Variants in POTEB observed in about 807,000 individuals in gnomAD.
POTEB encodes ANKRD26-like family B, member 1.
intron 3 of POTEB, among the ~76,000 whole-genome samples, chr15:21,871,774 G>A (rs1890113820): frequency 3.0e-5 from 1 of 33,582 alleles, no homozygotes; most frequent in Non-Finnish European, 8.2e-5. Context: ...CAAATTCAGT[G>A]TTTTTTTTTT....
chr15:21,871,397 ACAC>A (rs1442278297), intron 3 of POTEB, among the ~76,000 whole-genome samples: 1 of 20,422 alleles, frequency 4.9e-5, no homozygotes, highest in African/African-American at 1.0e-4. Context: ...ACACACACAC[ACAC>A]ACACAAACAA....
chr15:21,855,100 T>A (rs1889853628), intron 9 of POTEB, among the ~76,000 whole-genome samples: 1 of 148,098 alleles, frequency 6.8e-6, no homozygotes, highest in South Asian at 2.2e-4. Context: ...ATTTTACAAA[T>A]GAAATTTTTA....
intron 3 of POTEB, among the ~76,000 whole-genome samples, chr15:21,871,400 C>CAAAA (rs1480983290): frequency 5.8e-5 from 1 of 17,214 alleles, no homozygotes; most frequent in African/African-American, 1.5e-4. Flanking sequence ...CACACACACA[C>CAAAA]ACACAAACAA....
chr15:21,855,168 T>C (rs1397404115), intron 9 of POTEB, among the ~76,000 whole-genome samples: 1 of 148,426 alleles, frequency 6.7e-6, no homozygotes, highest in African/African-American at 2.4e-5. Context: ...AATATATCTT[T>C]TTCTCAAAGG....
rs1555380355 is a variant in POTEB, at chr15:21,871,404, C to CAAAAACAA, written c.699+602_699+603insTTGTTTTT. 1.6e-4 allele frequency among the ~76,000 whole-genome samples: 3 copies of CAAAAACAA among 19,266 alleles called. 1 individual carries two copies. The highest frequency in any genetic ancestry group is 3.6e-4 in the Non-Finnish European group (3 of 8,282). 12.6% of individuals were successfully genotyped at this position (19,266 alleles called of 152,430 possible). ...ACACACACACACACACACACACACA[C>CAAAAACAA]AAACAAAAACAAAAACAAAAACAAA... On this transcript the variant is annotated intron_variant, in intron 3 of 10. Transcript: ENST00000439682.
At chr15:21,871,372 CA>C in intron 3 of POTEB, among the ~76,000 whole-genome samples, 1 of 18,010 alleles carries the variant, frequency 5.6e-5, no homozygotes, top group African/African-American at 1.2e-4. Context: ...ACAACACACA[CA>C]CACACACACA....
chr15:21,847,660 C>T (rs1889713403), intron 10 of POTEB, among the ~76,000 whole-genome samples: 1 of 1,636 alleles, frequency 6.1e-4, no homozygotes, highest in African/African-American at 1.7e-3. Flanking sequence ...GAACAAAATA[C>T]TTATCAATAA....
At chr15:21,866,643 AG>A (rs1319963306) in intron 5 of POTEB, among the ~76,000 whole-genome samples, 6 of 34 alleles carry the variant, frequency 0.18, no homozygotes, top group Admixed American at 0.25. Context: ...CTGGTAGCAA[AG>A]AAGAAGAAAC....
chr15:21,871,394 C>A (rs1304567641), intron 3 of POTEB, among the ~76,000 whole-genome samples: 3 of 20,290 alleles, frequency 1.5e-4, no homozygotes, highest in African/African-American at 3.1e-4. Context: ...CACACACACA[C>A]ACACACACAC....
At chr15:21,847,608 G>A (rs1889712449) in intron 10 of POTEB, among the ~76,000 whole-genome samples, 1 of 7,138 alleles carries the variant, frequency 1.4e-4, no homozygotes, top group Non-Finnish European at 3.3e-4. Flanking sequence ...CATTATAGTA[G>A]TAAGTGTGAA....
intron 9 of POTEB, among the ~76,000 whole-genome samples, chr15:21,854,432 G>A (rs1274076657): frequency 7.3e-5 from 11 of 150,096 alleles, no homozygotes; most frequent in South Asian, 2.1e-4. Flanking sequence ...TGAAGATGCC[G>A]TTAGGGAGGA....
Position 21,871,400 on chromosome 15 carries a change from C to A in POTEB, c.699+607G>T, listed in dbSNP as rs1378020368. On this transcript the variant is annotated intron_variant, in intron 3 of 10. Coordinates refer to ENST00000439682, the MANE Select transcript of POTEB (RefSeq NM_001277304.2). ...ACACACACACACACACACACACACA[C>A]ACACAAACAAAAACAAAAACAAAAA... Among the ~76,000 whole-genome samples, 56 of 17,216 alleles carry A rather than the reference C, an allele frequency of 3.3e-3. 12 individuals carry two copies. Among genetic ancestry groups the A allele is most frequent in the African/African-American group, 2.8e-3 (19 of 6,722 alleles). The allele number at this position is 17,216 out of a possible 152,430, so 11.3% of individuals were successfully genotyped here.
chr15:21,854,401 A>G (rs1357369912), intron 9 of POTEB, among the ~76,000 whole-genome samples: 1 of 149,372 alleles, frequency 6.7e-6, no homozygotes, highest in Non-Finnish European at 1.5e-5. Flanking sequence ...AGCCTGAGGG[A>G]GTGAGGTCCT....
chr15:21,854,995 G>C (rs1380687862), intron 9 of POTEB, among the ~76,000 whole-genome samples: 1 of 143,644 alleles, frequency 7.0e-6, no homozygotes, highest in Non-Finnish European at 1.5e-5. Context: ...TTCTAGGACA[G>C]TTGATGCTCA....
At chr15:21,870,283 C>G (rs1356727321) in intron 3 of POTEB, among the ~76,000 whole-genome samples, 1 of 87,510 alleles carries the variant, frequency 1.1e-5, no homozygotes, top group African/African-American at 3.8e-5. Context: ...AACCTCATCT[C>G]TACTAAAAAA....
chr15:21,871,422 A>AAAACAG (rs1890103597), intron 3 of POTEB, among the ~76,000 whole-genome samples: 1 of 28,788 alleles, frequency 3.5e-5, no homozygotes, highest in African/African-American at 7.4e-5. Flanking sequence ...AACAAAAACA[A>AAAACAG]AAACAAAAAA....
In POTEB at chr15:21,871,364, A is replaced by AACACACAC. The variant is rs554170349; in HGVS notation, c.699+635_699+642dup. Among the ~76,000 whole-genome samples, 17 of 12,106 alleles carry AACACACAC rather than the reference A, an allele frequency of 1.4e-3. 3 individuals carry two copies. The highest frequency in any genetic ancestry group is 2.1e-3 in the African/African-American group (13 of 6,054). The allele number at this position is 12,106 out of a possible 152,430, so 7.9% of individuals were successfully genotyped here. On this transcript the variant is annotated intron_variant, in intron 3 of 10. Coordinates refer to ENST00000439682, the MANE Select transcript of POTEB (RefSeq NM_001277304.2). ...AAACAAATGAATGAACAACAATAAC[A>AACACACAC]ACACACACACACACACACACACACA...
At chr15:21,855,109 T>A (rs1322493571) in intron 9 of POTEB, among the ~76,000 whole-genome samples, 5 of 148,290 alleles carry the variant, frequency 3.4e-5, no homozygotes, top group African/African-American at 7.3e-5. Context: ...ATGAAATTTT[T>A]AAAAATATAT....
At chr15:21,850,827 TTATATATATA>T (rs1214256895) in intron 9 of POTEB, among the ~76,000 whole-genome samples, 1 of 230 alleles carries the variant, frequency 4.3e-3, no homozygotes, top group African/African-American at 5.9e-3. Context: ...ATAAAGAAAA[TTATATATATA>T]TATATATATA....
Sources: allele counts gnomAD v4.1 joint callset (sites outside exome capture counted in the v4.1 genomes callset), GRCh38; gene constraint gnomAD v4.1.1; transcripts MANE v1.5; gene names NCBI Gene and HGNC (gene_info 2026-07-23, HGNC 2026-07-21).